ZFHX4: variants seen among roughly 807,000 people sequenced by gnomAD.
The protein encoded by ZFHX4 is zinc finger homeobox protein 4.
ZFHX4 carries 56 observed loss-of-function variants against 267.6 expected under a neutral mutation model. The ratio of observed to expected loss-of-function variants is 0.21; its 90% CI spans 0.17 to 0.26. ZFHX4 has a LOEUF of 0.26. Ranked by LOEUF, ZFHX4 falls within the 10% of genes least tolerant of loss-of-function variation. The pLI is 1.00. For missense variants in ZFHX4, 4,332 were observed against 4,420.0 expected (o/e 0.98, Z 0.56); for synonymous variants, 1,778 against 1,665.6 (o/e 1.07, Z -1.64).
intron 1 of ZFHX4, among the ~76,000 whole-genome samples, chr8:76,697,548 T>C (rs1563465531): frequency 1.3e-5 from 2 of 152,004 alleles, no homozygotes; most frequent in Non-Finnish European, 2.9e-5. Context: ...ATTCCAAAAA[T>C]GATCGATGCG....
intron 8 of ZFHX4, 77 bp downstream of exon 8, chr8:76,849,789 T>C: frequency 2.1e-6 from 3 of 1,401,338 alleles, no homozygotes; most frequent in Non-Finnish European, 3.0e-6. Context: ...TAATTATTGG[T>C]TTATGGAAAT....
At chr8:76,856,476 C>T in intron 10 of ZFHX4, 176 bp downstream of exon 10, 1 of 709,270 alleles carries the variant, frequency 1.4e-6, no homozygotes, top group Non-Finnish European at 2.4e-6. Context: ...GTAGGTCAAC[C>T]TGAAACACAC....
At chr8:76,824,912 A>G (rs1811745575) in intron 4 of ZFHX4, among the ~76,000 whole-genome samples, 1 of 152,276 alleles carries the variant, frequency 6.6e-6, no homozygotes, top group East Asian at 1.9e-4. Context: ...AAATTGATAC[A>G]CATACTGCTT....
intron 1 of ZFHX4, among the ~76,000 whole-genome samples, chr8:76,682,857 G>T (rs1439946048): frequency 1.3e-5 from 2 of 152,020 alleles, no homozygotes; most frequent in African/African-American, 2.4e-5. Flanking sequence ...ACTGGAATGC[G>T]CCGGGTCTCT....
chr8:76,806,194 C>T (rs1295465476), intron 4 of ZFHX4, among the ~76,000 whole-genome samples: 3 of 152,042 alleles, frequency 2.0e-5, no homozygotes, highest in Admixed American at 2.0e-4. Context: ...TTACAACATC[C>T]CACTCAAATA....
At chr8:76,752,624 T>G (rs556617522) in intron 3 of ZFHX4, among the ~76,000 whole-genome samples, 3 of 151,774 alleles carry the variant, frequency 2.0e-5, no homozygotes, top group Non-Finnish European at 4.4e-5. Flanking sequence ...TGAGCTGAGA[T>G]CATGCCACTG....
intron 3 of ZFHX4, among the ~76,000 whole-genome samples, chr8:76,745,674 C>A (rs1349987455): frequency 6.6e-6 from 1 of 151,840 alleles, no homozygotes; most frequent in Non-Finnish European, 1.5e-5. Flanking sequence ...ATGTTAGAGA[C>A]AATTAGAACA....
At position 76,851,663 on chromosome 8, in the gene ZFHX4, C is replaced by T; in HGVS notation, c.4742C>T (p.Pro1581Leu). The T allele has an allele frequency of 6.2e-7, 1 of 1,613,892 alleles. No homozygotes were observed. The highest frequency in any genetic ancestry group is 8.5e-7 in the Non-Finnish European group (1 of 1,179,848). Reference protein sequence around the residue: ...KVLQEASSPVPQETNSNTDNK... With the variant: ...KVLQEASSPVLQETNSNTDNK... ...TTGCAGGAAGCCTCCAGTCCTGTCC[C>T]ACAAGAAACCAACAGCAACACAGAT... is the stretch of plus-strand genomic sequence containing the variant. The change falls in exon 10 of 11, where the codon CCA becomes CTA. Residue 1581 changes from proline to leucine, a missense_variant. Physicochemically the swap from Pro to Leu is moderately conservative, Grantham distance 98 (BLOSUM62 -3). This residue lies in a region of ZFHX4 where 1,371 missense variants were observed against 1,423.1 expected (regional missense o/e 0.96). Transcript: ENST00000651372.
At chr8:76,784,959 C>G (rs1431429526) in intron 4 of ZFHX4, among the ~76,000 whole-genome samples, 1 of 151,964 alleles carries the variant, frequency 6.6e-6, no homozygotes, top group African/African-American at 2.4e-5. Context: ...ATGAAATACA[C>G]AATCCACAGC....
intron 3 of ZFHX4, among the ~76,000 whole-genome samples, chr8:76,758,211 G>C (rs1272738312): frequency 6.6e-6 from 1 of 152,044 alleles, no homozygotes. Context: ...AATGCTTTCT[G>C]GGAGCATAGA....
intron 4 of ZFHX4, among the ~76,000 whole-genome samples, chr8:76,794,681 C>G (rs1285652783): frequency 6.6e-6 from 1 of 151,942 alleles, no homozygotes; most frequent in East Asian, 1.9e-4. Context: ...TTTTTAGAAC[C>G]AAATTTCTAG....
At chr8:76,771,299 G>T (rs1305877655) in intron 3 of ZFHX4, among the ~76,000 whole-genome samples, 1 of 152,078 alleles carries the variant, frequency 6.6e-6, no homozygotes, top group Non-Finnish European at 1.5e-5. Context: ...ATGGATTTAG[G>T]CTGTGAAGGC....
chr8:76,819,723 G>A (rs956676291), intron 4 of ZFHX4, among the ~76,000 whole-genome samples: 2 of 152,164 alleles, frequency 1.3e-5, no homozygotes, highest in African/African-American at 2.4e-5. Flanking sequence ...ATGGGGTGCC[G>A]TGGAACAAAT....
intron 3 of ZFHX4, among the ~76,000 whole-genome samples, chr8:76,736,151 A>T (rs528930945): frequency 6.9e-5 from 10 of 145,548 alleles, no homozygotes; most frequent in East Asian, 2.0e-4. Context: ...AACATAATTT[A>T]AAAAAAAAAA....
chr8:76,705,902 G>C lies in ZFHX4; in HGVS notation c.1814G>C (p.Gly605Ala). The change falls in exon 2 of 11, where the codon GGA becomes GCA. Residue 605 changes from glycine (G) to alanine (A), a missense_variant. Physicochemically the swap from Gly to Ala is moderately conservative, Grantham distance 60. Around this residue, in one of 7 missense-constraint regions of ZFHX4, gnomAD observed 1,195 missense variants for 1,173.6 expected, o/e 1.02. Coordinates refer to ENST00000651372, the MANE Select transcript of ZFHX4 (RefSeq NM_024721.5). Reference sequence around the variant, plus strand: ...ACTCCTGGCACACCAGGGCCTGGAGGAGACGGCTCACCGGGCAGTGGCATC... The same window carrying C: ...ACTCCTGGCACACCAGGGCCTGGAGCAGACGGCTCACCGGGCAGTGGCATC... ...PSTPGTPGPGGDGSPGSGIEC... is the reference protein window; with the variant it reads ...PSTPGTPGPGADGSPGSGIEC... The C allele has an allele frequency of 1.2e-6, 2 of 1,613,712 alleles. No individual in the cohort carries two copies. Among genetic ancestry groups the C allele is most frequent in the Non-Finnish European group, 1.7e-6 (2 of 1,179,848 alleles).
chr8:76,701,526 G>C (rs1808102707), intron 1 of ZFHX4, among the ~76,000 whole-genome samples: 1 of 152,084 alleles, frequency 6.6e-6, no homozygotes, highest in South Asian at 2.1e-4. Context: ...AAAAGAAAAA[G>C]ATCGGATCTA....
chr8:76,727,279 T>A (rs1309372627), intron 3 of ZFHX4, among the ~76,000 whole-genome samples: 6 of 150,134 alleles, frequency 4.0e-5, no homozygotes, highest in African/African-American at 1.5e-4. Context: ...CGCAGCCACA[T>A]TTTTTTTTTC....
At chr8:76,690,839 C>A (rs1240239190) in intron 1 of ZFHX4, among the ~76,000 whole-genome samples, 1 of 151,834 alleles carries the variant, frequency 6.6e-6, no homozygotes, top group Non-Finnish European at 1.5e-5. Flanking sequence ...ATAGGCTAAA[C>A]TTCTTTCATC....
At chr8:76,715,114 A>G (rs981043891) in intron 3 of ZFHX4, among the ~76,000 whole-genome samples, 3 of 152,174 alleles carry the variant, frequency 2.0e-5, no homozygotes, top group African/African-American at 7.2e-5. Flanking sequence ...GAGCTTTTCT[A>G]CTAGTTAGGA....
Sources: gnomAD v4.1 joint callset for allele counts (sites outside exome capture counted in the v4.1 genomes callset) on GRCh38, gnomAD v4.1.1 for gene constraint, gnomAD v4.1.1 regional missense constraint, MANE v1.5 for transcripts, NCBI Gene and HGNC (gene_info 2026-07-23, HGNC 2026-07-21) for gene names.